Variants in C4BPB observed in about 807,000 individuals in gnomAD.
C4BPB encodes complement component 4 binding protein beta.
C4BPB carries 19 observed loss-of-function variants against 26.6 expected under a neutral mutation model. The ratio of observed to expected loss-of-function variants is 0.71; its 90% CI spans 0.50 to 1.05. C4BPB has a LOEUF of 1.05. Ranked by LOEUF, C4BPB falls within the 50% of genes least tolerant of loss-of-function variation. C4BPB has a pLI of 0.00. For missense variants in C4BPB, 282 were observed against 302.9 expected (o/e 0.93, Z 0.51); for synonymous variants, 118 against 103.5 (o/e 1.14, Z -0.85).
At chr1:207,097,919 CTA>C (rs1207679465) in intron 5 of C4BPB, 9 of 409,318 alleles carry the variant, frequency 2.2e-5, no homozygotes, top group African/African-American at 1.2e-4. Flanking sequence ...TCTCACTTCT[CTA>C]TGTTTTATGG....
In C4BPB at chr1:207,099,236, G is replaced by A. The variant is rs184479352; in HGVS notation, c.619-553G>A. 5.3e-5 allele frequency among the ~76,000 whole-genome samples: 8 copies of A among 152,188 alleles called. No homozygotes were observed. The South Asian group carries it at 6.2e-4, about 12-fold the overall frequency. On this transcript the variant is annotated intron_variant, in intron 6 of 6. Coordinates refer to ENST00000367078, the MANE Select transcript of C4BPB (RefSeq NM_001017365.3). The stretch of plus-strand genomic sequence containing the variant: ...AAAGAGGGGTCAACCTAGATCCCTC[G>A]CATGAGCAGTTCACAATAGGTTTCA...
At chr1:207,092,420 C>CT (rs1011841348) in intron 4 of C4BPB, among the ~76,000 whole-genome samples, 29 of 152,046 alleles carry the variant, frequency 1.9e-4, no homozygotes, top group African/African-American at 6.7e-4. Context: ...TTTTAAATTG[C>CT]TTTTTTTCAT....
intron 4 of C4BPB, among the ~76,000 whole-genome samples, chr1:207,094,062 T>C (rs1254899980): frequency 2.0e-5 from 3 of 152,220 alleles, no homozygotes; most frequent in African/African-American, 7.2e-5. Context: ...CTGATCAGAT[T>C]AGCAAAAAAT....
At position 207,091,954 on chromosome 1, in the gene C4BPB, T is replaced by A. The variant is rs55663401; in HGVS notation, c.409+134T>A. The stretch of plus-strand genomic sequence containing the variant: ...AGGCTTAAGATCTAGCAGACAGCCA[T>A]GAAACAAGTGGAGCTCACAGAACCA... On this transcript the variant is annotated intron_variant, in intron 4 of 6. Coordinates refer to ENST00000367078, the MANE Select transcript of C4BPB (RefSeq NM_001017365.3). 704 of 719,892 alleles carry A rather than the reference T, an allele frequency of 9.8e-4. 1 individual carries two copies. The African/African-American group carries it at 9.8e-3, about 10-fold the overall frequency. 44.6% of individuals were successfully genotyped at this position (719,892 alleles called of 1,614,324 possible).
In C4BPB at chr1:207,099,825, A is replaced by G. The variant is rs775128376; in HGVS notation, c.655A>G (p.Met219Val). The G allele has an allele frequency of 6.2e-7, 1 of 1,614,006 alleles. No individual in the cohort carries two copies. The highest frequency in any genetic ancestry group is 1.6e-4 in the Middle Eastern group (1 of 6,062). Residue 219 changes from methionine to valine, a missense_variant, in exon 7 of 7, where the codon ATG becomes GTG. By Grantham distance (21) the Met-to-Val change is conservative (BLOSUM62 1). Transcript: ENST00000367078. ...FQESKNLCEA[M>V]ENFMQQLKES... Reference sequence around the variant, plus strand: ...GGAGAGTAAGAACCTCTGCGAAGCCATGGAGAACTTTATGCAACAATTAAA... The same window carrying G: ...GGAGAGTAAGAACCTCTGCGAAGCCGTGGAGAACTTTATGCAACAATTAAA...
chr1:207,090,153 C>G (rs1345895658), intron 2 of C4BPB, among the ~76,000 whole-genome samples, 155 bp from the exon 3 acceptor site: 1 of 152,112 alleles, frequency 6.6e-6, no homozygotes, highest in Non-Finnish European at 1.5e-5. Context: ...TGCCTGTAGT[C>G]CCGGCTACTT....
At chr1:207,090,844 C>T (rs975724673) in intron 3 of C4BPB, among the ~76,000 whole-genome samples, 1 of 152,140 alleles carries the variant, frequency 6.6e-6, no homozygotes, top group Non-Finnish European at 1.5e-5. Flanking sequence ...CAAATTCACT[C>T]ATATAGACTC....
chr1:207,095,315 T>TA (rs1366922781), intron 4 of C4BPB: 1 of 456,472 alleles, frequency 2.2e-6, no homozygotes, highest in Non-Finnish European at 4.4e-6. Context: ...CCTCTTCCCT[T>TA]CCAGCCATGT....
rs759032529 is a variant in C4BPB, at chr1:207,099,803, G to A, written c.633G>A (p.Glu211=). Reference sequence around the variant, plus strand: ...TCTTTCTTCAGCTTGCCTTTCAGGAGAGTAAGAACCTCTGCGAAGCCATGG... The same window carrying A: ...TCTTTCTTCAGCTTGCCTTTCAGGAAAGTAAGAACCTCTGCGAAGCCATGG... The part of the protein sequence containing the change: ...ECEKALLAFQ[E]SKNLCEAMEN... Residue 211 remains glutamate (E), a synonymous_variant, in exon 7 of 7, where the codon GAG becomes GAA. Coordinates refer to ENST00000367078, the MANE Select transcript of C4BPB (RefSeq NM_001017365.3). 2.5e-6 allele frequency: 4 copies of A among 1,612,234 alleles called. No individual in the cohort carries two copies. The highest frequency in any genetic ancestry group is 3.4e-6 in the Non-Finnish European group (4 of 1,179,450).
At chr1:207,092,629 CTTTT>C (rs755904248) in intron 4 of C4BPB, among the ~76,000 whole-genome samples, 1 of 134,584 alleles carries the variant, frequency 7.4e-6, no homozygotes, top group Non-Finnish European at 1.6e-5. Context: ...TTCTTTCTTT[CTTTT>C]TTTTTTTTTT....
rs144498332 is a variant in C4BPB, at chr1:207,098,166, G to A, written c.520G>A (p.Val174Met). The change falls in exon 6 of 7, where the codon GTG becomes ATG. Residue 174 changes from valine to methionine, a missense_variant. Val to Met is a conservative substitution (Grantham distance 21, BLOSUM62 1). Coordinates refer to ENST00000367078, the MANE Select transcript of C4BPB (RefSeq NM_001017365.3). ...TCTGTTCAGGTACTACTTAGTGGGCGTGCAGGAGCAGCAATGCGTTGATGG... is the reference window on the plus strand; with the variant it reads ...TCTGTTCAGGTACTACTTAGTGGGCATGCAGGAGCAGCAATGCGTTGATGG... ...YCEDRYYLVG[V>M]QEQQCVDGEW... 416 of 1,613,668 alleles carry A rather than the reference G, an allele frequency of 2.6e-4. 1 individual carries two copies. In the African/African-American group the frequency reaches 3.0e-3, roughly 12 times the overall value.
intron 5 of C4BPB, among the ~76,000 whole-genome samples, chr1:207,096,851 C>T (rs1457998321): frequency 6.6e-6 from 1 of 152,188 alleles, no homozygotes; most frequent in Non-Finnish European, 1.5e-5. Flanking sequence ...TTTTTCCTCT[C>T]CGCCAAGACA....
rs534521233 is a variant in C4BPB, at chr1:207,095,063, A to T, written c.410-1459A>T. ...AGAAGATTTTTATGTTTCAGTAAAT[A>T]TACACCCACATAATCATTGTTAGCC... On this transcript the variant is annotated intron_variant, in intron 4 of 6. Coordinates refer to ENST00000367078, the MANE Select transcript of C4BPB (RefSeq NM_001017365.3). 1.4e-5 allele frequency: 4 copies of T among 289,496 alleles called. No homozygotes were observed. The East Asian group carries it at 4.7e-4, about 34-fold the overall frequency. 17.9% of individuals were successfully genotyped at this position (289,496 alleles called of 1,614,324 possible).
At chr1:207,095,896 C>T in intron 4 of C4BPB, 1 of 177,558 alleles carries the variant, frequency 5.6e-6, no homozygotes, top group Non-Finnish European at 1.2e-5. Flanking sequence ...TGAGATGCCT[C>T]CCTCCCCCTT....
intron 5 of C4BPB, among the ~76,000 whole-genome samples, chr1:207,097,433 G>C (rs1684298096): frequency 6.7e-6 from 1 of 150,192 alleles, no homozygotes; most frequent in Non-Finnish European, 1.5e-5. Context: ...GGCTGGTCTT[G>C]AACTCCTGAG....
chr1:207,091,902 G>A (rs984145746), intron 4 of C4BPB, 82 bp downstream of exon 4: 3 of 1,208,390 alleles, frequency 2.5e-6, no homozygotes, highest in Non-Finnish European at 3.4e-6. Flanking sequence ...TCCCTGGGAT[G>A]CTTTTCTCTT....
chr1:207,096,201 A>C, intron 4 of C4BPB: 1 of 314,176 alleles, frequency 3.2e-6, no homozygotes. Context: ...CTTTTCTTGT[A>C]CATTAACAAT....
intron 2 of C4BPB, among the ~76,000 whole-genome samples, chr1:207,089,989 C>T (rs901723980): frequency 1.3e-5 from 2 of 152,132 alleles, no homozygotes; most frequent in Non-Finnish European, 2.9e-5. Context: ...TTCGGAATTC[C>T]GGCCGGGCGC....
chr1:207,097,657 A>T (rs1054770342), intron 5 of C4BPB, among the ~76,000 whole-genome samples: 1 of 152,128 alleles, frequency 6.6e-6, no homozygotes, highest in African/African-American at 2.4e-5. Flanking sequence ...ACTCAGAGTC[A>T]TGTGGCCTCA....
Sources: allele counts gnomAD v4.1 joint callset (sites outside exome capture counted in the v4.1 genomes callset), GRCh38; gene constraint gnomAD v4.1.1; transcripts MANE v1.5; gene names NCBI Gene and HGNC (gene_info 2026-07-23, HGNC 2026-07-21).